Variants in AAMDC observed in about 807,000 individuals in gnomAD.
AAMDC encodes adipogenesis associated Mth938 domain containing.
In AAMDC, 16 loss-of-function variants were observed where a neutral mutation model predicts 15.5. That is an observed-to-expected ratio of 1.03 (90% confidence interval 0.70 to 1.57). The LOEUF (loss-of-function observed/expected upper bound fraction) is 1.57. Among genes scored for constraint, AAMDC ranks in the 40% most tolerant of loss-of-function variants. AAMDC has a pLI of 0.00. For missense variants in AAMDC, 141 were observed against 144.9 expected, an observed-to-expected ratio of 0.97 and a Z score of 0.14; for synonymous variants, 51 against 51.6, an observed-to-expected ratio of 0.99 and a Z score of 0.05.
At chr11:77,838,181 G>A (rs972128084) in intron 1 of AAMDC, among the ~76,000 whole-genome samples, 7 of 151,868 alleles carry the variant, frequency 4.6e-5, no homozygotes, top group Admixed American at 1.3e-4. Context: ...ATATGGTTAA[G>A]GAGACACATA....
intron 2 of AAMDC, chr11:77,868,997 C>T (rs1173980359): frequency 6.2e-6 from 2 of 322,480 alleles, no homozygotes; most frequent in East Asian, 7.3e-5. Flanking sequence ...TGGGTAATAC[C>T]GTAGACTCTT....
intron 5 of AAMDC, chr11:77,883,776 G>T: frequency 1.3e-6 from 2 of 1,587,178 alleles, no homozygotes; most frequent in East Asian, 4.5e-5. Context: ...ACGCTTAAGG[G>T]TAGGTGTGAT....
intron 2 of AAMDC, among the ~76,000 whole-genome samples, chr11:77,843,474 G>T (rs1190775854): frequency 6.6e-6 from 1 of 152,174 alleles, no homozygotes; most frequent in Non-Finnish European, 1.5e-5. Flanking sequence ...GCTGAGGGGA[G>T]AAAGAGTCTT....
rs71473358 is a variant in AAMDC, at chr11:77,858,302, C to CTTTTTTTTTTTTTTTT, written c.133-11410_133-11395dup. 1.9e-4 allele frequency among the ~76,000 whole-genome samples: 13 copies of CTTTTTTTTTTTTTTTT among 69,354 alleles called. 2 individuals are homozygous for CTTTTTTTTTTTTTTTT. Among genetic ancestry groups the CTTTTTTTTTTTTTTTT allele is most frequent in the South Asian group, 5.6e-4 (1 of 1,774 alleles). 45.5% of individuals were successfully genotyped at this position (69,354 alleles called of 152,430 possible). A position where few individuals can be genotyped will look rare whatever the true frequency, so the allele number is the denominator to read the frequency against. ...CTCCACCTCCTGCGTTTAAGCAATT[C>CTTTTTTTTTTTTTTTT]TTTTTTTTTTTTTTTTTTTTTTTTT... On this transcript the variant is annotated intron_variant, in intron 2 of 3. Coordinates refer to ENST00000393427, the MANE Select transcript of AAMDC (RefSeq NM_024684.4).
At chr11:77,843,240 C>A (rs1178247039) in intron 2 of AAMDC, among the ~76,000 whole-genome samples, 1 of 152,262 alleles carries the variant, frequency 6.6e-6, no homozygotes, top group Non-Finnish European at 1.5e-5. Context: ...GTGTTGTTCT[C>A]ATTGCGGTTT....
chr11:77,836,380 A>G (rs1444382910), intron 1 of AAMDC, among the ~76,000 whole-genome samples: 3 of 152,094 alleles, frequency 2.0e-5, no homozygotes, highest in Non-Finnish European at 4.4e-5. Context: ...AAAAAGAGAA[A>G]GAGATAGCAG....
chr11:77,891,420 A>G (rs1195877369), intron 5 of AAMDC: 2 of 1,613,532 alleles, frequency 1.2e-6, no homozygotes, highest in Non-Finnish European at 1.7e-6. Flanking sequence ...GGGTTGTCTG[A>G]CTCGCCCGCT....
intron 5 of AAMDC, among the ~76,000 whole-genome samples, chr11:77,891,051 G>A (rs1357103317): frequency 6.6e-6 from 1 of 152,096 alleles, no homozygotes; most frequent in Admixed American, 6.6e-5. Flanking sequence ...ACCCTTACTG[G>A]GTCCTGGGGG....
At chr11:77,880,296 T>C (rs746686558) in intron 5 of AAMDC, among the ~76,000 whole-genome samples, 5 of 152,136 alleles carry the variant, frequency 3.3e-5, no homozygotes, top group Non-Finnish European at 5.9e-5. Flanking sequence ...CATCCAAGCT[T>C]CTCTCTATGG....
chr11:77,843,528 G>A (rs1790247), intron 2 of AAMDC, among the ~76,000 whole-genome samples: 152,254 of 152,286 alleles, frequency 1, 76,111 homozygotes, highest in Middle Eastern at 1. Context: ...TCTGCCTCAC[G>A]ATGGGGATGG....
chr11:77,838,407 A>C (rs1277508725), intron 1 of AAMDC, among the ~76,000 whole-genome samples: 1 of 152,192 alleles, frequency 6.6e-6, no homozygotes, highest in African/African-American at 2.4e-5. Context: ...TTTAAAGTCC[A>C]AGCAAAACTG....
rs1300171876 is a variant in AAMDC at position 77,842,056 on chromosome 11, ATCT to A, written c.-18-420_-18-418del. 5.3e-5 allele frequency among the ~76,000 whole-genome samples: 8 copies of A among 152,182 alleles called. No individual in the cohort carries two copies. In the East Asian group the frequency reaches 1.2e-3, roughly 22 times the overall value. On this transcript the variant is annotated intron_variant, in intron 1 of 3. Transcript: ENST00000393427. ...AATTGTCCTTATCTGAAATTCAGCG[ATCT>A]TCATGAATAAGCATTTCTCTGATTG...
intron 5 of AAMDC, among the ~76,000 whole-genome samples, chr11:77,882,770 G>A (rs1951842310): frequency 6.6e-6 from 1 of 152,118 alleles, no homozygotes; most frequent in African/African-American, 2.4e-5. Flanking sequence ...CACCCTGACA[G>A]AGGGAAACCA....
At chr11:77,869,937 C>A in intron 3 of AAMDC, 120 bp downstream of exon 3, 2 of 909,410 alleles carry the variant, frequency 2.2e-6, no homozygotes, top group Non-Finnish European at 3.5e-6. Context: ...ATTTTGCTGA[C>A]CCAGGATAGC....
intron 2 of AAMDC, among the ~76,000 whole-genome samples, chr11:77,857,374 G>C (rs183286259): frequency 1.3e-5 from 2 of 152,294 alleles, no homozygotes; most frequent in African/African-American, 4.8e-5. Context: ...TCTAGATGTA[G>C]AAGTGTAGGA....
chr11:77,883,997 A>T, intron 5 of AAMDC: 1 of 1,586,982 alleles, frequency 6.3e-7, no homozygotes. Flanking sequence ...CGAGAGGAGC[A>T]TTTAACAAAA....
At chr11:77,821,783 G>T (rs1390871708) in intron 1 of AAMDC, among the ~76,000 whole-genome samples, 5 of 152,144 alleles carry the variant, frequency 3.3e-5, no homozygotes, top group African/African-American at 1.2e-4. Context: ...TACCAATAAT[G>T]TAAAATAGAA....
Position 77,869,820 on chromosome 11 carries a change from A to C in AAMDC, c.228+3A>C. ...GAGGGATGAGTGAGGCCTTGAAGGT[A>C]GGTGTTGGTATGCACAGCATTCCTG... On this transcript the variant is annotated splice_donor_region_variant and intron_variant, in intron 3 of 3. Coordinates refer to ENST00000393427, the MANE Select transcript of AAMDC (RefSeq NM_024684.4). 1 of 1,613,216 alleles carries C rather than the reference A, an allele frequency of 6.2e-7. No individual in the cohort carries two copies. The highest frequency in any genetic ancestry group is 1.3e-5 in the African/African-American group (1 of 75,022).
chr11:77,883,904 C>T lies in AAMDC; in HGVS notation c.328+6855C>T. The stretch of plus-strand genomic sequence containing the variant: ...CGCCCTGGGCCAGGATTCCGGAAGT[C>T]TGCAGGCTTGGGGTGAATCATCTGA... On this transcript the variant is annotated intron_variant, in intron 5 of 5. Transcript: ENST00000304716. The T allele has an allele frequency of 1.9e-6, 3 of 1,613,236 alleles. No homozygotes were observed. The highest frequency in any genetic ancestry group is 1.1e-5 in the South Asian group (1 of 90,874).
Sources: allele counts gnomAD v4.1 joint callset (sites outside exome capture counted in the v4.1 genomes callset), GRCh38; gene constraint gnomAD v4.1.1; transcripts MANE v1.5; gene names NCBI Gene and HGNC (gene_info 2026-07-23, HGNC 2026-07-21).